Variants in FTO observed in about 807,000 individuals in gnomAD.
FTO encodes the protein FTO alpha-ketoglutarate dependent dioxygenase.
FTO carries 47 observed loss-of-function variants against 63.9 expected under a neutral mutation model. That is an observed-to-expected ratio of 0.74 (90% confidence interval 0.58 to 0.94). The LOEUF (loss-of-function observed/expected upper bound fraction) is 0.94, where lower values mean the gene tolerates loss of function less well. FTO is among the 40% of genes least tolerant of loss of function. The probability of loss-of-function intolerance (pLI) is 0.00; values close to 1 mark genes in which losing one functional copy is unlikely to be tolerated. For missense variants in FTO, 562 were observed against 618.1 expected (o/e 0.91, Z 0.96); for synonymous variants, 207 against 224.4 (o/e 0.92, Z 0.69).
intron 8 of FTO, among the ~76,000 whole-genome samples, chr16:54,023,609 C>T (rs1163421165): frequency 2.0e-5 from 3 of 152,218 alleles, no homozygotes; most frequent in African/African-American, 7.2e-5. Flanking sequence ...GCCTCCGTTC[C>T]TTCGTAGCAT....
intron 6 of FTO, among the ~76,000 whole-genome samples, chr16:53,882,012 A>G (rs892034554): frequency 6.6e-6 from 1 of 152,218 alleles, no homozygotes; most frequent in Admixed American, 6.5e-5. Flanking sequence ...ATTTTCTAAT[A>G]ATTATTGGAT....
chr16:53,795,606 G>T (rs769207756), intron 1 of FTO, among the ~76,000 whole-genome samples: 2 of 152,058 alleles, frequency 1.3e-5, no homozygotes, highest in Non-Finnish European at 2.9e-5. Flanking sequence ...TCTATACCTG[G>T]CCAAGAAGCA....
intron 6 of FTO, among the ~76,000 whole-genome samples, chr16:53,885,207 ATT>A: frequency 6.6e-6 from 1 of 152,192 alleles, no homozygotes; most frequent in Non-Finnish European, 1.5e-5. Flanking sequence ...TCCAGAGTTT[ATT>A]ACCTCAGACT....
chr16:53,962,033 G>A (rs1172065177), intron 8 of FTO, among the ~76,000 whole-genome samples: 1 of 152,144 alleles, frequency 6.6e-6, no homozygotes, highest in Non-Finnish European at 1.5e-5. Flanking sequence ...TCACTGCCCT[G>A]CCCATCTCCT....
At chr16:53,744,243 A>T (rs533122723) in intron 1 of FTO, among the ~76,000 whole-genome samples, 4 of 152,154 alleles carry the variant, frequency 2.6e-5, no homozygotes, top group African/African-American at 7.2e-5. Flanking sequence ...CTTCTTCTTC[A>T]ATTAGAGACA....
intron 8 of FTO, among the ~76,000 whole-genome samples, chr16:54,025,718 CA>C (rs35957454): frequency 5.5e-4 from 82 of 149,648 alleles, no homozygotes; most frequent in African/African-American, 1.8e-3. Context: ...GACTCCATCT[CA>C]AAAAAAAAGG....
intron 1 of FTO, among the ~76,000 whole-genome samples, chr16:53,777,967 G>A (rs2077500189): frequency 6.6e-6 from 1 of 152,082 alleles, no homozygotes; most frequent in South Asian, 2.1e-4. Flanking sequence ...TTTTGTTTGA[G>A]ACAACCATTT....
chr16:53,751,986 A>C lies in FTO; in HGVS notation c.45+47757A>C, dbSNP rs192323649. Among the ~76,000 whole-genome samples the C allele has an allele frequency of 5.1e-4, 78 of 152,354 alleles. 1 individual carries two copies. The highest frequency in any genetic ancestry group is 1.7e-3 in the East Asian group (9 of 5,188). The stretch of plus-strand genomic sequence containing the variant: ...CTTATAGTCAAATCCTCTTTGACCC[A>C]GCTATGTTCTACTTACATGAATTTG... On this transcript the variant is annotated intron_variant, in intron 1 of 8. Coordinates refer to ENST00000471389, the MANE Select transcript of FTO (RefSeq NM_001080432.3).
At chr16:53,874,496 G>A (rs2080591486) in intron 5 of FTO, among the ~76,000 whole-genome samples, 1 of 152,172 alleles carries the variant, frequency 6.6e-6, no homozygotes, top group Non-Finnish European at 1.5e-5. Flanking sequence ...TCAGTTAAGA[G>A]GGGTTCCAGA....
At chr16:54,069,518 A>C (rs2085812181) in intron 8 of FTO, among the ~76,000 whole-genome samples, 1 of 152,234 alleles carries the variant, frequency 6.6e-6, no homozygotes, top group South Asian at 2.1e-4. Context: ...AAGGCAATAG[A>C]GAATCTATAC....
chr16:53,764,595 A>G (rs1262606515), intron 1 of FTO, among the ~76,000 whole-genome samples: 4 of 152,070 alleles, frequency 2.6e-5, no homozygotes, highest in Admixed American at 2.0e-4. Flanking sequence ...TCAAAATTGG[A>G]GTTGAGAGCA....
At chr16:53,985,896 TAA>T (rs1453042694) in intron 8 of FTO, among the ~76,000 whole-genome samples, 2 of 152,258 alleles carry the variant, frequency 1.3e-5, no homozygotes, top group East Asian at 3.8e-4. Context: ...TTCTATGGCT[TAA>T]AGAGTGTAAC....
At chr16:53,802,637 C>T (rs917388942) in intron 1 of FTO, among the ~76,000 whole-genome samples, 1 of 152,102 alleles carries the variant, frequency 6.6e-6, no homozygotes, top group African/African-American at 2.4e-5. Flanking sequence ...CTTTTTCTGT[C>T]TTCCAATCTC....
intron 4 of FTO, among the ~76,000 whole-genome samples, chr16:53,855,247 G>T (rs1488043219): frequency 6.6e-6 from 1 of 152,040 alleles, no homozygotes; most frequent in Non-Finnish European, 1.5e-5. Flanking sequence ...GAGATAGTTT[G>T]ACTTCCTCTT....
At chr16:53,751,317 G>T (rs1287144961) in intron 1 of FTO, among the ~76,000 whole-genome samples, 2 of 152,120 alleles carry the variant, frequency 1.3e-5, no homozygotes, top group Non-Finnish European at 2.9e-5. Context: ...AATTAGCCGG[G>T]CGTGGTGGCC....
intron 8 of FTO, among the ~76,000 whole-genome samples, chr16:54,098,598 G>C (rs1476061076): frequency 6.6e-6 from 1 of 152,180 alleles, no homozygotes; most frequent in Non-Finnish European, 1.5e-5. Context: ...TATCTCTCAG[G>C]AGTATGAGTG....
chr16:54,121,194 T>C lies in FTO; in HGVS notation c.*9279T>C, dbSNP rs1439630330. Reference sequence around the variant, plus strand: ...CAAATAGTCATTGTCTGACCCTTCATAGAAAAATTTTGCTGAACTGTAGTC... The same window carrying C: ...CAAATAGTCATTGTCTGACCCTTCACAGAAAAATTTTGCTGAACTGTAGTC... On this transcript the variant is annotated 3_prime_UTR_variant, in exon 9 of 9. Transcript: ENST00000471389. 1 of 152,236 alleles carries C rather than the reference T, an allele frequency of 6.6e-6. No individual in the cohort carries two copies. The highest frequency in any genetic ancestry group is 1.9e-4 in the East Asian group (1 of 5,188). The allele number at this position is 152,236 out of a possible 1,614,324, so 9.4% of individuals were successfully genotyped here.
chr16:53,996,992 A>T (rs1389189812), intron 8 of FTO, among the ~76,000 whole-genome samples: 1 of 152,076 alleles, frequency 6.6e-6, no homozygotes, highest in Non-Finnish European at 1.5e-5. Flanking sequence ...GGGTGCCTGT[A>T]ATCTCAGCTG....
At chr16:53,786,186 T>C (rs535082767) in intron 1 of FTO, among the ~76,000 whole-genome samples, 1 of 152,166 alleles carries the variant, frequency 6.6e-6, no homozygotes, top group Admixed American at 6.5e-5. Context: ...CCCTACCCCA[T>C]GCAAACACAC....
Sources: allele counts gnomAD v4.1 joint callset (sites outside exome capture counted in the v4.1 genomes callset), GRCh38; gene constraint gnomAD v4.1.1; transcripts MANE v1.5; gene names NCBI Gene and HGNC (gene_info 2026-07-23, HGNC 2026-07-21).